ATP6V0A4: variants seen among roughly 807,000 people sequenced by gnomAD.
ATP6V0A4 encodes the protein ATPase H+ transporting V0 subunit a4.
Under a neutral mutation model 107.3 loss-of-function variants are expected in ATP6V0A4, and 86 were observed. That is an observed-to-expected ratio of 0.80 (90% CI 0.67 to 0.96). The LOEUF is 0.96. Among genes scored for constraint, ATP6V0A4 ranks in the 40% least tolerant of loss-of-function variants. The pLI, the probability that ATP6V0A4 is intolerant of heterozygous loss-of-function variation, is 0.00. For missense variants in ATP6V0A4, 908 were observed against 1,045.6 expected (o/e 0.87, Z 1.81); for synonymous variants, 353 against 381.4 (o/e 0.93, Z 0.87).
At chr7:138,718,599 T>TG (rs1804254628) in intron 19 of ATP6V0A4, among the ~76,000 whole-genome samples, 1 of 58,488 alleles carries the variant, frequency 1.7e-5, no homozygotes, top group Non-Finnish European at 3.1e-5. Context: ...TGGGGAGGAA[T>TG]GGGGAGGAAT....
chr7:138,741,957 A>G (rs1805653594), intron 14 of ATP6V0A4, among the ~76,000 whole-genome samples: 1 of 152,200 alleles, frequency 6.6e-6, no homozygotes, highest in African/African-American at 2.4e-5. Context: ...ATTCAAGACC[A>G]AAGAGTCTTG....
intron 8 of ATP6V0A4, among the ~76,000 whole-genome samples, chr7:138,757,472 T>C (rs1480377146): frequency 6.6e-6 from 1 of 152,016 alleles, no homozygotes; most frequent in East Asian, 1.9e-4. Context: ...GTCATGATCA[T>C]ACTACTGCAC....
intron 10 of ATP6V0A4, among the ~76,000 whole-genome samples, chr7:138,753,400 G>A (rs748166125): frequency 2.6e-5 from 4 of 152,208 alleles, no homozygotes; most frequent in East Asian, 1.9e-4. Flanking sequence ...CCCTGCTGAC[G>A]CCTTGATTTC....
intron 17 of ATP6V0A4, among the ~76,000 whole-genome samples, chr7:138,729,259 G>A (rs1229458455): frequency 6.6e-6 from 1 of 152,102 alleles, no homozygotes; most frequent in East Asian, 1.9e-4. Flanking sequence ...GACTTTACCA[G>A]TCACTCGGTG....
chr7:138,769,403 C>T, intron 3 of ATP6V0A4, 152 bp from the exon 4 acceptor site: 4 of 1,266,636 alleles, frequency 3.2e-6, no homozygotes, highest in Non-Finnish European at 4.3e-6. Flanking sequence ...TAACCTCCAC[C>T]TCCTGGGTTC....
At chr7:138,777,634 AC>A (rs1563017262) in intron 2 of ATP6V0A4, among the ~76,000 whole-genome samples, 5,504 of 91,318 alleles carry the variant, frequency 0.06, 159 homozygotes, top group Non-Finnish European at 0.084. Flanking sequence ...AAAAAAAAAT[AC>A]ACACACACAC....
At chr7:138,745,954 A>ATATATAT in intron 13 of ATP6V0A4, among the ~76,000 whole-genome samples, 1 of 36,748 alleles carries the variant, frequency 2.7e-5, no homozygotes, top group Non-Finnish European at 5.8e-5. Context: ...AAAAAAAAAA[A>ATATATAT]AAAAAAAAAT....
At chr7:138,723,714 C>T (rs924017899) in intron 18 of ATP6V0A4, among the ~76,000 whole-genome samples, 5 of 151,464 alleles carry the variant, frequency 3.3e-5, no homozygotes, top group Non-Finnish European at 7.4e-5. Context: ...TTAATAGAGA[C>T]GGGGTTTCTC....
At chr7:138,720,499 G>A (rs1396766828) in intron 19 of ATP6V0A4, among the ~76,000 whole-genome samples, 1 of 152,096 alleles carries the variant, frequency 6.6e-6, no homozygotes, top group Admixed American at 6.6e-5. Flanking sequence ...GAACATGCGT[G>A]GGTTGGATTC....
intron 18 of ATP6V0A4, among the ~76,000 whole-genome samples, chr7:138,727,159 A>C: frequency 6.7e-6 from 1 of 149,334 alleles, no homozygotes; most frequent in African/African-American, 2.5e-5. Flanking sequence ...GCAGGGGGGC[A>C]TGCCTGTTAC....
chr7:138,717,448 G>A (rs1804101889), intron 19 of ATP6V0A4, among the ~76,000 whole-genome samples: 1 of 152,154 alleles, frequency 6.6e-6, no homozygotes, highest in Non-Finnish European at 1.5e-5. Flanking sequence ...AGGAGGCTGA[G>A]GCAGGAGAAT....
In ATP6V0A4 at chr7:138,792,722, C is replaced by G. The variant is rs146970481; in HGVS notation, c.-121+5312G>C. On this transcript the variant is annotated intron_variant, in intron 1 of 21. Transcript: ENST00000310018. ...CAAGCAATCCTCCTATCTCAGCCTCCTGAGTAGCTGGGACCACAGGCTTGC... is the reference window on the plus strand; with the variant it reads ...CAAGCAATCCTCCTATCTCAGCCTCGTGAGTAGCTGGGACCACAGGCTTGC... 6.8e-3 allele frequency among the ~76,000 whole-genome samples: 1,031 copies of G among 151,158 alleles called. 5 individuals carry two copies. The highest frequency in any genetic ancestry group is 0.024 in the Middle Eastern group (7 of 292).
intron 2 of ATP6V0A4, chr7:138,780,138 G>A (rs1016849403): frequency 1.3e-5 from 2 of 152,092 alleles, no homozygotes; most frequent in Non-Finnish European, 2.9e-5. Context: ...TATAGAGCAG[G>A]GTCATATTAA....
At chr7:138,720,517 T>C (rs1305277822) in intron 19 of ATP6V0A4, among the ~76,000 whole-genome samples, 1 of 152,130 alleles carries the variant, frequency 6.6e-6, no homozygotes, top group Non-Finnish European at 1.5e-5. Flanking sequence ...TTCTAAAACA[T>C]TCCAGCAAGT....
At chr7:138,743,344 G>C (rs1332493792) in intron 14 of ATP6V0A4, among the ~76,000 whole-genome samples, 2 of 151,794 alleles carry the variant, frequency 1.3e-5, no homozygotes, top group Non-Finnish European at 2.9e-5. Context: ...TGTAGTCCCA[G>C]CTACTCAGGA....
intron 14 of ATP6V0A4, among the ~76,000 whole-genome samples, chr7:138,740,121 G>A (rs562326360): frequency 1.3e-5 from 2 of 151,436 alleles, no homozygotes; most frequent in South Asian, 4.2e-4. Context: ...AAGGGAGAAG[G>A]GGGAGAGGGG....
chr7:138,730,099 T>C (rs548643246), intron 17 of ATP6V0A4, among the ~76,000 whole-genome samples: 1 of 152,178 alleles, frequency 6.6e-6, no homozygotes, highest in Non-Finnish European at 1.5e-5. Flanking sequence ...TTAGCCAGGA[T>C]GGTCTCGATC....
intron 20 of ATP6V0A4, among the ~76,000 whole-genome samples, chr7:138,711,608 C>A (rs1192858267): frequency 6.6e-6 from 1 of 152,200 alleles, no homozygotes; most frequent in Admixed American, 6.5e-5. Flanking sequence ...TTGCTGCCCC[C>A]CAAGATCTGG....
intron 2 of ATP6V0A4, among the ~76,000 whole-genome samples, chr7:138,772,468 G>A (rs1807442931): frequency 1.3e-5 from 2 of 152,132 alleles, no homozygotes; most frequent in African/African-American, 4.8e-5. Context: ...TGGGGCAGGG[G>A]AATGGTGCGA....
Sources: gnomAD v4.1 joint callset for allele counts (sites outside exome capture counted in the v4.1 genomes callset) on GRCh38, gnomAD v4.1.1 for gene constraint, MANE v1.5 for transcripts, NCBI Gene and HGNC (gene_info 2026-07-23, HGNC 2026-07-21) for gene names.